Variants in RNGTT observed in about 807,000 individuals in gnomAD.
The protein encoded by RNGTT is mRNA-capping enzyme.
Under a neutral mutation model 79.3 loss-of-function variants are expected in RNGTT, and 33 were observed. The observed-to-expected ratio is 0.42, with a 90% CI of 0.32 to 0.56. RNGTT has a LOEUF of 0.56. Ranked by LOEUF, RNGTT falls within the 20% of genes least tolerant of loss-of-function variation. The pLI is 0.17. For synonymous variants in RNGTT, 222 were observed against 235.9 expected (o/e 0.94, Z 0.54); for missense variants, 497 against 739.1 (o/e 0.67, Z 3.80).
intron 4 of RNGTT, among the ~76,000 whole-genome samples, chr6:88,918,891 G>C (rs6926160): frequency 0.022 from 3,329 of 152,082 alleles, 121 homozygotes; most frequent in African/African-American, 0.076. Context: ...TTTTACTCTT[G>C]CAAGATTAAA....
At chr6:88,839,510 C>T (rs1781194235) in intron 11 of RNGTT, among the ~76,000 whole-genome samples, 2 of 151,712 alleles carry the variant, frequency 1.3e-5, no homozygotes, top group Admixed American at 1.3e-4. Context: ...GTCAAGGATG[C>T]AGGGAGCCAT....
chr6:88,729,066 A>C (rs1057210590), intron 13 of RNGTT, among the ~76,000 whole-genome samples: 1 of 152,182 alleles, frequency 6.6e-6, no homozygotes, highest in African/African-American at 2.4e-5. Flanking sequence ...ACATCATGCC[A>C]AGCTCGCTCT....
chr6:88,840,154 T>C (rs1188040402), intron 11 of RNGTT, among the ~76,000 whole-genome samples: 1 of 152,204 alleles, frequency 6.6e-6, no homozygotes, highest in East Asian at 1.9e-4. Flanking sequence ...ATATCACTAT[T>C]TTACCATCCC....
At chr6:88,684,905 T>C (rs2127792737) in intron 13 of RNGTT, among the ~76,000 whole-genome samples, 1 of 152,278 alleles carries the variant, frequency 6.6e-6, no homozygotes, top group South Asian at 2.1e-4. Context: ...CTGTCTGTAC[T>C]TTCTGCTCAA....
At chr6:88,657,562 C>T (rs1381037508) in intron 14 of RNGTT, among the ~76,000 whole-genome samples, 2 of 152,122 alleles carry the variant, frequency 1.3e-5, no homozygotes, top group Non-Finnish European at 2.9e-5. Flanking sequence ...ATGGAAAATA[C>T]AGATATGAGC....
chr6:88,891,688 T>C, intron 7 of RNGTT, 118 bp downstream of exon 7: 2 of 557,850 alleles, frequency 3.6e-6, no homozygotes, highest in Non-Finnish European at 2.9e-6. Flanking sequence ...CTGACACCTT[T>C]AAAGTATTCT....
At chr6:88,705,910 T>A (rs866979705) in intron 13 of RNGTT, among the ~76,000 whole-genome samples, 1 of 151,998 alleles carries the variant, frequency 6.6e-6, no homozygotes, top group Non-Finnish European at 1.5e-5. Context: ...AGAGCCTCTC[T>A]AAGACTAACA....
intron 13 of RNGTT, among the ~76,000 whole-genome samples, chr6:88,709,007 T>C (rs1390533519): frequency 1.3e-5 from 2 of 152,120 alleles, no homozygotes; most frequent in African/African-American, 2.4e-5. Flanking sequence ...GATGAAATCA[T>C]CTTAAAATAT....
intron 2 of RNGTT, among the ~76,000 whole-genome samples, chr6:88,930,229 ATCT>A (rs202184715): frequency 2.8e-5 from 4 of 142,880 alleles, no homozygotes; most frequent in African/African-American, 8.4e-5. Context: ...TAAAACATGT[ATCT>A]TATTATATAT....
At chr6:88,614,700 T>C (rs539760792) in intron 14 of RNGTT, among the ~76,000 whole-genome samples, 2 of 152,322 alleles carry the variant, frequency 1.3e-5, no homozygotes, top group South Asian at 2.1e-4. Flanking sequence ...TGGGGACCAA[T>C]ACCTTCAATA....
At chr6:88,755,746 A>C (rs552076506) in intron 13 of RNGTT, among the ~76,000 whole-genome samples, 8 of 152,194 alleles carry the variant, frequency 5.3e-5, no homozygotes, top group African/African-American at 1.7e-4. Context: ...GTGCATCACG[A>C]GGTCAGGAGC....
intron 1 of RNGTT, 40 bp from the exon 2 acceptor site, chr6:88,941,220 A>T: frequency 7.9e-7 from 1 of 1,267,342 alleles, no homozygotes; most frequent in Non-Finnish European, 1.1e-6. Context: ...ATAAAAGGAA[A>T]TGTTTCAGAT....
intron 12 of RNGTT, among the ~76,000 whole-genome samples, chr6:88,792,471 C>G (rs1331410994): frequency 6.6e-6 from 1 of 152,118 alleles, no homozygotes; most frequent in East Asian, 1.9e-4. Context: ...AGTATTCTTT[C>G]TTTTAAAGTC....
At chr6:88,858,353 A>T (rs568094923) in intron 8 of RNGTT, among the ~76,000 whole-genome samples, 1 of 152,288 alleles carries the variant, frequency 6.6e-6, no homozygotes, top group Admixed American at 6.5e-5. Context: ...ACTTCACATC[A>T]TTTACACTCT....
At chr6:88,893,131 G>C (rs76386790) in intron 6 of RNGTT, among the ~76,000 whole-genome samples, 1,965 of 152,118 alleles carry the variant, frequency 0.013, 18 homozygotes, top group Non-Finnish European at 0.019. Flanking sequence ...AGGAAAAAAA[G>C]AGTATTTTTA....
At chr6:88,815,718 G>C (rs1032914436) in intron 11 of RNGTT, among the ~76,000 whole-genome samples, 27 of 152,208 alleles carry the variant, frequency 1.8e-4, no homozygotes, top group Non-Finnish European at 8.8e-5. Flanking sequence ...AGAATGATGC[G>C]ATAGTTGCCT....
At chr6:88,844,206 T>C in intron 11 of RNGTT, 151 bp downstream of exon 11, 1 of 621,830 alleles carries the variant, frequency 1.6e-6, no homozygotes, top group South Asian at 2.4e-5. Context: ...CTAGGAGTCG[T>C]ACCATGTTTG....
At chr6:88,696,363 G>A (rs1201024140) in intron 13 of RNGTT, among the ~76,000 whole-genome samples, 1 of 151,990 alleles carries the variant, frequency 6.6e-6, no homozygotes, top group Non-Finnish European at 1.5e-5. Flanking sequence ...GAATACTTAA[G>A]TAAATAGTTG....
chr6:88,889,463 G>A (rs191785804), intron 8 of RNGTT, among the ~76,000 whole-genome samples: 117 of 152,184 alleles, frequency 7.7e-4, no homozygotes, highest in Admixed American at 1.9e-3. Flanking sequence ...GAGATGGCAT[G>A]ATACAAAGAG....
Sources: gnomAD v4.1 joint callset for allele counts (sites outside exome capture counted in the v4.1 genomes callset) on GRCh38, gnomAD v4.1.1 for gene constraint, MANE v1.5 for transcripts, NCBI Gene and HGNC (gene_info 2026-07-23, HGNC 2026-07-21) for gene names.